SYT1: variants seen among roughly 807,000 people sequenced by gnomAD.
SYT1 encodes synaptotagmin 1.
SYT1 carries 8 observed loss-of-function variants against 44.8 expected under a neutral mutation model. The ratio of observed to expected loss-of-function variants is 0.18; its 90% CI spans 0.10 to 0.32. The LOEUF (loss-of-function observed/expected upper bound fraction) is 0.32. Among genes scored for constraint, SYT1 ranks in the 10% least tolerant of loss-of-function variants. SYT1 has a pLI of 1.00. For synonymous variants in SYT1, 154 were observed against 188.8 expected (o/e 0.82, Z 1.51); for missense variants, 286 against 509.3 (o/e 0.56, Z 4.22).
At chr12:79,376,535 G>C (rs1884003027) in intron 9 of SYT1, among the ~76,000 whole-genome samples, 2 of 152,084 alleles carry the variant, frequency 1.3e-5, no homozygotes, top group South Asian at 4.2e-4. Flanking sequence ...TTATCAGCAA[G>C]GTCTTTATGA....
intron 1 of SYT1, among the ~76,000 whole-genome samples, chr12:78,947,314 A>G (rs1527076): frequency 0.15 from 23,109 of 152,058 alleles, 2,074 homozygotes; most frequent in East Asian, 0.3. Flanking sequence ...TTTCACTGGC[A>G]AAGCTCTTTT....
chr12:79,082,517 A>T (rs1423867127), intron 3 of SYT1, among the ~76,000 whole-genome samples: 2 of 152,220 alleles, frequency 1.3e-5, no homozygotes, highest in African/African-American at 4.8e-5. Context: ...GAAGTCAGAC[A>T]ATAAATGAAT....
chr12:79,319,110 G>A (rs529307459), intron 8 of SYT1, among the ~76,000 whole-genome samples: 50 of 152,288 alleles, frequency 3.3e-4, no homozygotes, highest in African/African-American at 1.1e-3. Flanking sequence ...CATGTTTGAA[G>A]ATGACATAAA....
At position 79,004,535 on chromosome 12, in the gene SYT1, A is replaced by G. The variant is rs143014643; in HGVS notation, c.-84+26604A>G. On this transcript the variant is annotated intron_variant, in intron 2 of 10. Transcript: ENST00000261205. ...TCAATAAAATGTCAATAAAATAGCT[A>G]TTTTGTTTTGTTGGCTTAGGGCTAA... Among the ~76,000 whole-genome samples, 685 of 152,080 alleles carry G rather than the reference A, an allele frequency of 4.5e-3. 4 individuals carry two copies. Among genetic ancestry groups the G allele is most frequent in the African/African-American group, 0.015 (636 of 41,546 alleles).
At chr12:79,396,145 A>T (rs529720117) in intron 9 of SYT1, among the ~76,000 whole-genome samples, 2 of 152,326 alleles carry the variant, frequency 1.3e-5, no homozygotes, top group Non-Finnish European at 2.9e-5. Flanking sequence ...CCATTTTATA[A>T]GGTCCAAAGA....
At chr12:79,179,360 A>AGATATATTGATATATCTATATC (rs1565841959) in intron 3 of SYT1, among the ~76,000 whole-genome samples, 1 of 66,450 alleles carries the variant, frequency 1.5e-5, no homozygotes, top group Non-Finnish European at 2.6e-5. Flanking sequence ...ATATCGATAT[A>AGATATATTGATATATCTATATC]GATATAGATA....
chr12:79,303,460 T>C (rs1029228611), intron 8 of SYT1, among the ~76,000 whole-genome samples: 1 of 152,104 alleles, frequency 6.6e-6, no homozygotes, highest in Non-Finnish European at 1.5e-5. Flanking sequence ...ACTTGAGCAG[T>C]ACTGTTTTAT....
chr12:78,939,621 C>T (rs950322065), intron 1 of SYT1, among the ~76,000 whole-genome samples: 1 of 152,154 alleles, frequency 6.6e-6, no homozygotes, highest in African/African-American at 2.4e-5. Flanking sequence ...CTAGTTTAAA[C>T]TAACTTCCAC....
rs567841227 is a variant in SYT1, at chr12:79,291,838, A to C, written c.352-170A>C. On this transcript the variant is annotated intron_variant, in intron 5 of 10. Transcript: ENST00000261205. ...TGGGGAAAGAAATTCCGTGCACAAA[A>C]GGAATTTAAAAAATATGTAAGCAGC... 21 of 869,236 alleles carry C rather than the reference A, an allele frequency of 2.4e-5. 1 individual carries two copies. In the South Asian group the frequency reaches 2.9e-4, roughly 12 times the overall value. 53.8% of individuals were successfully genotyped at this position (869,236 alleles called of 1,614,324 possible).
chr12:79,220,784 G>GA (rs1340596948), intron 4 of SYT1, among the ~76,000 whole-genome samples: 4 of 151,978 alleles, frequency 2.6e-5, no homozygotes, highest in Non-Finnish European at 4.4e-5. Context: ...ATCATGGTCA[G>GA]AAAAAAATAA....
intron 1 of SYT1, among the ~76,000 whole-genome samples, chr12:78,935,491 GAAGT>G (rs1397971408): frequency 6.6e-6 from 1 of 152,124 alleles, no homozygotes; most frequent in African/African-American, 2.4e-5. Flanking sequence ...GAACAGAACA[GAAGT>G]AAGACCCTCC....
chr12:79,010,095 A>G (rs1330544673), intron 2 of SYT1, among the ~76,000 whole-genome samples: 1 of 152,182 alleles, frequency 6.6e-6, no homozygotes, highest in Non-Finnish European at 1.5e-5. Flanking sequence ...GTAGGTTATT[A>G]CTATTACTGT....
chr12:79,355,066 C>A (rs2136011247), intron 9 of SYT1, among the ~76,000 whole-genome samples: 1 of 152,050 alleles, frequency 6.6e-6, no homozygotes, highest in East Asian at 2.0e-4. Flanking sequence ...GAGTTCCCAT[C>A]ATCATAGAGA....
At chr12:79,064,294 T>A (rs1227208925) in intron 3 of SYT1, among the ~76,000 whole-genome samples, 1 of 152,178 alleles carries the variant, frequency 6.6e-6, no homozygotes, top group East Asian at 1.9e-4. Context: ...TGGCCCAAGA[T>A]GTGAATAAGA....
chr12:79,071,595 C>T (rs1211218891), intron 3 of SYT1, among the ~76,000 whole-genome samples: 1 of 152,164 alleles, frequency 6.6e-6, no homozygotes, highest in Non-Finnish European at 1.5e-5. Flanking sequence ...GTTCTGAAGA[C>T]TAGAAATCCA....
chr12:79,237,661 T>A (rs1876266861), intron 4 of SYT1, among the ~76,000 whole-genome samples: 1 of 151,886 alleles, frequency 6.6e-6, no homozygotes, highest in African/African-American at 2.4e-5. Flanking sequence ...AATTTTAAGT[T>A]AAAAAAAAGA....
chr12:79,438,751 T>G (rs1157646026), intron 9 of SYT1, among the ~76,000 whole-genome samples: 1 of 152,192 alleles, frequency 6.6e-6, no homozygotes, highest in Non-Finnish European at 1.5e-5. Flanking sequence ...TCTGCTTCCC[T>G]CTCACATGGC....
intron 2 of SYT1, among the ~76,000 whole-genome samples, chr12:79,037,788 T>C (rs73351476): frequency 0.036 from 5,392 of 151,840 alleles, 237 homozygotes; most frequent in African/African-American, 0.085. Flanking sequence ...ATTTCTTTGT[T>C]TACTCTATTA....
At chr12:78,979,212 T>C (rs1352665679) in intron 2 of SYT1, among the ~76,000 whole-genome samples, 2 of 152,212 alleles carry the variant, frequency 1.3e-5, no homozygotes, top group East Asian at 3.8e-4. Context: ...TTAATCATTT[T>C]ACAATGAAGG....
Sources: gnomAD v4.1 joint callset for allele counts (sites outside exome capture counted in the v4.1 genomes callset) on GRCh38, gnomAD v4.1.1 for gene constraint, MANE v1.5 for transcripts, NCBI Gene and HGNC (gene_info 2026-07-23, HGNC 2026-07-21) for gene names.